PLEKHG7: variants seen among roughly 807,000 people sequenced by gnomAD.
PLEKHG7 encodes the protein pleckstrin homology and RhoGEF domain containing G7.
In PLEKHG7, 77 loss-of-function variants were observed where a neutral mutation model predicts 85.2. The ratio of observed to expected loss-of-function variants is 0.90; its 90% CI spans 0.75 to 1.09. PLEKHG7 has a LOEUF of 1.09. PLEKHG7 is among the 50% of genes least tolerant of loss of function. The pLI is 0.00. For synonymous variants in PLEKHG7, 301 were observed against 302.4 expected (o/e 1.00, Z 0.05); for missense variants, 777 against 804.3 (o/e 0.97, Z 0.41).
chr12:92,749,926 AT>A (rs1171322619), intron 10 of PLEKHG7, among the ~76,000 whole-genome samples: 1 of 105,270 alleles, frequency 9.5e-6, no homozygotes, highest in Non-Finnish European at 2.0e-5. Context: ...ATTTTATTTT[AT>A]TTATTTTATT....
chr12:92,767,050 G>C (rs1255652213), intron 15 of PLEKHG7, among the ~76,000 whole-genome samples: 1 of 152,092 alleles, frequency 6.6e-6, no homozygotes, highest in African/African-American at 2.4e-5. Context: ...CCAAATCCTG[G>C]CTATATCATT....
intron 3 of PLEKHG7, among the ~76,000 whole-genome samples, chr12:92,721,997 A>G (rs1021794938): frequency 6.6e-6 from 1 of 152,028 alleles, no homozygotes; most frequent in Non-Finnish European, 1.5e-5. Context: ...TGAATTCACT[A>G]CAGTGATTGC....
chr12:92,721,594 G>A, intron 3 of PLEKHG7: 1 of 1,167,614 alleles, frequency 8.6e-7, no homozygotes, highest in Non-Finnish European at 1.1e-6. Flanking sequence ...GTGGAAGGGT[G>A]TCCTGCTCTA....
chr12:92,712,464 G>A (rs1338398146), intron 3 of PLEKHG7, among the ~76,000 whole-genome samples: 3 of 152,146 alleles, frequency 2.0e-5, no homozygotes, highest in Non-Finnish European at 2.9e-5. Context: ...AGCTGCAATT[G>A]GAGTCACCAC....
At chr12:92,715,403 C>A (rs1871454167) in intron 3 of PLEKHG7, among the ~76,000 whole-genome samples, 1 of 152,164 alleles carries the variant, frequency 6.6e-6, no homozygotes, top group Non-Finnish European at 1.5e-5. Context: ...CAATACTTTG[C>A]ATCCTTCAAT....
intron 7 of PLEKHG7, among the ~76,000 whole-genome samples, 174 bp downstream of exon 7, chr12:92,737,695 A>AG (rs149911019): frequency 8.0e-6 from 1 of 125,008 alleles, no homozygotes; most frequent in African/African-American, 2.8e-5. Flanking sequence ...AGAAAAGAAA[A>AG]AGAGAGAAAG....
At chr12:92,761,962 C>A in intron 14 of PLEKHG7, 131 bp downstream of exon 14, 3 of 1,153,712 alleles carry the variant, frequency 2.6e-6, no homozygotes, top group Non-Finnish European at 3.3e-6. Context: ...AAAATGAAGG[C>A]ATTATAAACT....
At chr12:92,767,629 T>G (rs536285674) in intron 15 of PLEKHG7, among the ~76,000 whole-genome samples, 1 of 152,194 alleles carries the variant, frequency 6.6e-6, no homozygotes, top group Non-Finnish European at 1.5e-5. Context: ...ATTATGATGT[T>G]TAGATTGTTA....
At position 92,756,222 on chromosome 12, in the gene PLEKHG7, A is replaced by T. The variant is rs1872825718; in HGVS notation, c.1543-76A>T. 3 of 1,115,680 alleles carry T rather than the reference A, an allele frequency of 2.7e-6. No individual in the cohort carries two copies. In the Admixed American group the frequency reaches 6.0e-5, roughly 22 times the overall value. 69.1% of individuals were successfully genotyped at this position (1,115,680 alleles called of 1,614,324 possible). ...GTCATGAACTTTCTAGATGGAGTTAATTGCCCCAGCTTTTTAAACATGTTC... is the reference window on the plus strand; with the variant it reads ...GTCATGAACTTTCTAGATGGAGTTATTTGCCCCAGCTTTTTAAACATGTTC... On this transcript the variant is annotated intron_variant, in intron 12 of 16. Transcript: ENST00000344636.
At chr12:92,710,544 G>A (rs1465691326) in intron 3 of PLEKHG7, among the ~76,000 whole-genome samples, 3 of 152,142 alleles carry the variant, frequency 2.0e-5, no homozygotes, top group Non-Finnish European at 2.9e-5. Context: ...ACCCATATTC[G>A]GAGTAAGTAT....
intron 5 of PLEKHG7, among the ~76,000 whole-genome samples, chr12:92,733,779 A>G (rs1004402119): frequency 2.0e-5 from 3 of 152,240 alleles, no homozygotes; most frequent in African/African-American, 7.2e-5. Context: ...AGGAAGGGAC[A>G]CTACTACAAG....
intron 7 of PLEKHG7, 61 bp downstream of exon 7, chr12:92,737,582 T>A (rs535702238): frequency 2.0e-6 from 3 of 1,464,554 alleles, no homozygotes; most frequent in South Asian, 2.4e-5. Context: ...TTTGGGCACT[T>A]GTTTTCCTCT....
chr12:92,760,373 AC>A (rs1872952467), intron 13 of PLEKHG7, among the ~76,000 whole-genome samples: 1 of 151,902 alleles, frequency 6.6e-6, no homozygotes, highest in Non-Finnish European at 1.5e-5. Flanking sequence ...TGAATAAAAT[AC>A]CAGATTTCTC....
Position 92,740,895 on chromosome 12 carries a change from C to T in PLEKHG7, c.982C>T (p.Leu328Phe). 4 of 1,611,952 alleles carry T rather than the reference C, an allele frequency of 2.5e-6. No homozygotes were observed. In the South Asian group the frequency reaches 4.4e-5, roughly 18 times the overall value. ...TLRYLQTHEY[L>F]LDVDLWRLFA... is the part of the protein sequence containing the mutation. ...AAGATATCTGCAAACTCATGAATATCTCCTAGATGTGGATTTATGGAGACT... is the reference window on the plus strand; with the variant it reads ...AAGATATCTGCAAACTCATGAATATTTCCTAGATGTGGATTTATGGAGACT... Residue 328 changes from leucine to phenylalanine, a missense_variant, in exon 8 of 17, where the codon CTC (leucine) becomes TTC (phenylalanine). This residue lies in a region of PLEKHG7 where 520 missense variants were observed against 544.0 expected (regional missense o/e 0.96). Coordinates refer to ENST00000344636, the MANE Select transcript of PLEKHG7 (RefSeq NM_001377329.1).
chr12:92,738,894 AAAC>A (rs1432839491), intron 7 of PLEKHG7, among the ~76,000 whole-genome samples: 1 of 152,250 alleles, frequency 6.6e-6, no homozygotes, highest in African/African-American at 2.4e-5. Context: ...CTCTAGGAGA[AAAC>A]TGAAATTTAG....
chr12:92,752,547 C>T (rs768591759), intron 10 of PLEKHG7, among the ~76,000 whole-genome samples: 6 of 152,222 alleles, frequency 3.9e-5, no homozygotes, highest in Admixed American at 2.6e-4. Flanking sequence ...AGGACTGACA[C>T]GTGGGCTTGA....
chr12:92,765,509 A>T (rs529123728), intron 15 of PLEKHG7, among the ~76,000 whole-genome samples: 63 of 151,762 alleles, frequency 4.2e-4, no homozygotes, highest in African/African-American at 1.5e-3. Context: ...CACACCTGTG[A>T]CCCCAGCTAC....
intron 13 of PLEKHG7, among the ~76,000 whole-genome samples, chr12:92,759,394 A>C (rs536663724): frequency 3.9e-5 from 6 of 152,374 alleles, no homozygotes; most frequent in African/African-American, 1.2e-4. Context: ...TGACGCATAC[A>C]TGAGTAGCAG....
intron 10 of PLEKHG7, among the ~76,000 whole-genome samples, chr12:92,747,116 C>G (rs1445447341): frequency 6.6e-6 from 1 of 152,012 alleles, no homozygotes; most frequent in Non-Finnish European, 1.5e-5. Flanking sequence ...AAAATATTTG[C>G]AAACTATTCA....
Sources: gnomAD v4.1 joint callset for allele counts (sites outside exome capture counted in the v4.1 genomes callset) on GRCh38, gnomAD v4.1.1 for gene constraint, gnomAD v4.1.1 regional missense constraint, MANE v1.5 for transcripts, NCBI Gene and HGNC (gene_info 2026-07-23, HGNC 2026-07-21) for gene names.